The following CHIC1 variants were observed in gnomAD, a reference collection of about 807,000 sequenced individuals.
CHIC1 encodes cysteine-rich hydrophobic domain-containing protein 1.
CHIC1 carries 7 observed loss-of-function variants against 18.5 expected under a neutral mutation model. That is an observed-to-expected ratio of 0.38 (90% CI 0.22 to 0.71). The LOEUF (loss-of-function observed/expected upper bound fraction) is 0.71. Ranked by LOEUF, CHIC1 falls within the 30% of genes least tolerant of loss-of-function variation. The pLI is 0.49. For synonymous variants in CHIC1, 77 were observed against 73.5 expected, an observed-to-expected ratio of 1.05 and a Z score of -0.25; for missense variants, 159 against 176.9, an observed-to-expected ratio of 0.90 and a Z score of 0.57.
intron 3 of CHIC1, among the ~76,000 whole-genome samples, chrX:73,593,443 T>C (rs766996420): frequency 7.2e-5 from 8 of 111,398 alleles, no homozygotes; most frequent in African/African-American, 2.6e-4. Flanking sequence ...ATTTCTTGAA[T>C]TTGCATGTCG....
chrX:73,607,078 C>G (rs2057686811), intron 3 of CHIC1, among the ~76,000 whole-genome samples: 1 of 108,862 alleles, frequency 9.2e-6, no homozygotes, highest in Non-Finnish European at 1.9e-5. Flanking sequence ...AAGCTGCGCC[C>G]ACAGCCGCCC....
intron 3 of CHIC1, among the ~76,000 whole-genome samples, chrX:73,641,911 T>C (rs2057858789): frequency 8.9e-6 from 1 of 111,895 alleles, no homozygotes. Context: ...CTTAATCCAG[T>C]CTATCATTGT....
chrX:73,626,338 T>G (rs1057000506), intron 3 of CHIC1, among the ~76,000 whole-genome samples: 3 of 111,316 alleles, frequency 2.7e-5, no homozygotes, highest in Non-Finnish European at 3.8e-5. Flanking sequence ...TATTGGTATC[T>G]TTCTCCAAGT....
At position 73,602,145 on chromosome X, in the gene CHIC1, G is replaced by A. The variant is rs1479831592; in HGVS notation, c.507+17573G>A. Among the ~76,000 whole-genome samples the A allele has an allele frequency of 2.8e-5, 3 of 107,908 alleles. No homozygotes were observed. In the East Asian group the frequency reaches 8.5e-4, roughly 30 times the overall value. The allele number at this position is 107,908 out of a possible 115,157, so 93.7% of individuals were successfully genotyped here. The stretch of plus-strand genomic sequence containing the variant: ...CTGAATTCTACCAGAGGTACAAACA[G>A]GAGCTGGTACCATTCCTTCTGAAAC... On this transcript the variant is annotated intron_variant, in intron 3 of 5. Coordinates refer to ENST00000373502, the MANE Select transcript of CHIC1 (RefSeq NM_001039840.4).
intron 2 of CHIC1, among the ~76,000 whole-genome samples, chrX:73,581,670 C>CT (rs2057528090): frequency 9.1e-6 from 1 of 110,492 alleles, no homozygotes; most frequent in Non-Finnish European, 1.9e-5. Flanking sequence ...AAAAGCTTTT[C>CT]TTTTCAATAT....
intron 3 of CHIC1, among the ~76,000 whole-genome samples, chrX:73,593,880 G>A (rs1325463793): frequency 1.8e-5 from 2 of 111,227 alleles, no homozygotes; most frequent in Admixed American, 9.6e-5. Flanking sequence ...TTTGCCATCC[G>A]ATTCTGAATT....
intron 3 of CHIC1, among the ~76,000 whole-genome samples, chrX:73,675,372 C>T (rs2058056319): frequency 9.0e-6 from 1 of 111,543 alleles, no homozygotes; most frequent in Admixed American, 9.5e-5. Flanking sequence ...GTCTAAATCT[C>T]TTTGTAGGTC....
intron 3 of CHIC1, among the ~76,000 whole-genome samples, chrX:73,668,627 C>A (rs181801517): frequency 9.0e-6 from 1 of 111,167 alleles, no homozygotes; most frequent in Non-Finnish European, 1.9e-5. Flanking sequence ...GCTGGGGGTC[C>A]GCTCTAGACC....
chrX:73,672,466 TG>T (rs2058036653), intron 3 of CHIC1, among the ~76,000 whole-genome samples: 1 of 112,203 alleles, frequency 8.9e-6, no homozygotes, highest in Non-Finnish European at 1.9e-5. Context: ...CCATTCTAAC[TG>T]GTGTGAGATA....
At chrX:73,618,633 C>G (rs968246806) in intron 3 of CHIC1, among the ~76,000 whole-genome samples, 4 of 111,994 alleles carry the variant, frequency 3.6e-5, no homozygotes, top group African/African-American at 1.3e-4. Flanking sequence ...GCCCCACCCC[C>G]AACAGCACCA....
At chrX:73,572,030 G>A (rs1224418738) in intron 1 of CHIC1, among the ~76,000 whole-genome samples, 1 of 110,359 alleles carries the variant, frequency 9.1e-6, no homozygotes, top group East Asian at 2.9e-4. Flanking sequence ...ATGATGCTGA[G>A]GTTTGGGGTA....
chrX:73,571,518 A>G (rs2057470624), intron 1 of CHIC1, among the ~76,000 whole-genome samples: 1 of 111,650 alleles, frequency 9.0e-6, no homozygotes, highest in South Asian at 3.7e-4. Context: ...TAGGTTTAAT[A>G]CTAGAATATC....
chrX:73,628,804 A>G (rs900988817), intron 3 of CHIC1, among the ~76,000 whole-genome samples: 1 of 111,347 alleles, frequency 9.0e-6, no homozygotes. Context: ...CTTTATAGAT[A>G]GTTGTTAACT....
At chrX:73,650,308 A>G (rs754158829) in intron 3 of CHIC1, among the ~76,000 whole-genome samples, 25 of 111,589 alleles carry the variant, frequency 2.2e-4, no homozygotes, top group African/African-American at 4.9e-4. Flanking sequence ...TCCAAAAGCT[A>G]TCAGAAGACA....
At position 73,676,465 on chromosome X, in the gene CHIC1, G is replaced by A. The variant is rs367996246; in HGVS notation, c.508-2861G>A. 2.0e-4 allele frequency among the ~76,000 whole-genome samples: 22 copies of A among 110,620 alleles called. 1 individual carries two copies. In the East Asian group the frequency reaches 2.9e-3, roughly 14 times the overall value. ...CTTTTTTCTCTGAACTTCTCTTCTC[G>A]CCTCATTTCATTCATTTCGTCTTCC... On this transcript the variant is annotated intron_variant, in intron 3 of 5. Transcript: ENST00000373502.
chrX:73,603,879 G>A (rs2057665259), intron 3 of CHIC1, among the ~76,000 whole-genome samples: 1 of 108,692 alleles, frequency 9.2e-6, no homozygotes, highest in South Asian at 3.8e-4. Context: ...TAAGCTTTTT[G>A]ATTTGCTGCT....
chrX:73,677,600 T>A (rs1449993447), intron 3 of CHIC1, among the ~76,000 whole-genome samples: 1 of 112,015 alleles, frequency 8.9e-6, no homozygotes. Flanking sequence ...GCGCAGTATT[T>A]GGGTGGGAGT....
rs779763108 is a variant in CHIC1 at position 73,681,236 on chromosome X, T to C, written c.*231T>C. On this transcript the variant is annotated 3_prime_UTR_variant, in exon 6 of 6. Coordinates refer to ENST00000373502, the MANE Select transcript of CHIC1 (RefSeq NM_001039840.4). ...TTTTAAATACACACACATGCGTGTGTGCATATACATATATAGATAGTTGCC... is the reference window on the plus strand; with the variant it reads ...TTTTAAATACACACACATGCGTGTGCGCATATACATATATAGATAGTTGCC... The C allele has an allele frequency of 1.3e-5, 4 of 314,288 alleles. No homozygotes were observed. In the East Asian group the frequency reaches 2.2e-4, roughly 18 times the overall value. 25.9% of individuals were successfully genotyped at this position (314,288 alleles called of 1,213,427 possible).
chrX:73,645,097 A>T (rs1320204940), intron 3 of CHIC1, among the ~76,000 whole-genome samples: 3 of 112,278 alleles, frequency 2.7e-5, no homozygotes, highest in Admixed American at 1.9e-4. Context: ...AGCTGTTCCT[A>T]TTCGGCCATC....
Sources: allele counts gnomAD v4.1 joint callset (sites outside exome capture counted in the v4.1 genomes callset), GRCh38; gene constraint gnomAD v4.1.1; transcripts MANE v1.5; gene names NCBI Gene and HGNC (gene_info 2026-07-23, HGNC 2026-07-21).